The following EYS variants were observed in gnomAD, a reference collection of about 807,000 sequenced individuals.
EYS encodes the protein EGF-like photoreceptor maintenance factor.
Under a neutral mutation model 282.1 loss-of-function variants are expected in EYS, and 250 were observed. The observed-to-expected ratio is 0.89, with a 90% CI of 0.80 to 0.98. The LOEUF is 0.98. Ranked by LOEUF, EYS falls within the 50% of genes least tolerant of loss-of-function variation. The pLI, the probability that EYS is intolerant of heterozygous loss-of-function variation, is 0.00. For missense variants in EYS, 4,016 were observed against 3,709.0 expected (o/e 1.08, Z -2.15); for synonymous variants, 1,355 against 1,282.9 (o/e 1.06, Z -1.20).
intron 1 of EYS, among the ~76,000 whole-genome samples, chr6:65,640,457 G>T (rs1418820701): frequency 6.6e-6 from 1 of 151,824 alleles, no homozygotes; most frequent in Non-Finnish European, 1.5e-5. Context: ...TAATACATAG[G>T]CTATCCGTGA....
chr6:65,052,686 C>G (rs1467279721), intron 13 of EYS, among the ~76,000 whole-genome samples: 2 of 151,540 alleles, frequency 1.3e-5, no homozygotes, highest in Admixed American at 1.3e-4. Context: ...CTCATTTTTA[C>G]ATATTAAAAT....
intron 31 of EYS, among the ~76,000 whole-genome samples, chr6:64,105,985 C>T (rs747785892): frequency 4.6e-5 from 7 of 152,002 alleles, no homozygotes; most frequent in Admixed American, 6.6e-5. Context: ...ACAGTTGGGT[C>T]TTGTTTTTGA....
intron 5 of EYS, among the ~76,000 whole-genome samples, chr6:65,421,962 A>T (rs1389381233): frequency 6.6e-6 from 1 of 151,980 alleles, no homozygotes; most frequent in African/African-American, 2.4e-5. Flanking sequence ...TAACAATAAA[A>T]AAGTTTGAAA....
At chr6:64,846,766 T>C (rs998151901) in intron 19 of EYS, among the ~76,000 whole-genome samples, 16 of 152,118 alleles carry the variant, frequency 1.1e-4, no homozygotes, top group African/African-American at 3.9e-4. Context: ...GGTAATGCAG[T>C]GAATTTAGGG....
chr6:65,099,620 T>TTTCC (rs1774837164), intron 12 of EYS, among the ~76,000 whole-genome samples: 1 of 150,694 alleles, frequency 6.6e-6, no homozygotes, highest in South Asian at 2.1e-4. Context: ...ATTCAGCTAA[T>TTTCC]ATAACTGATG....
At chr6:65,192,972 T>C (rs1765678175) in intron 12 of EYS, among the ~76,000 whole-genome samples, 1 of 151,862 alleles carries the variant, frequency 6.6e-6, no homozygotes, top group Admixed American at 6.6e-5. Flanking sequence ...TTGTTAACTA[T>C]AGTCACCCCA....
chr6:64,935,687 G>T lies in EYS; in HGVS notation c.2381+10106C>A, dbSNP rs181630375. Among the ~76,000 whole-genome samples the T allele has an allele frequency of 1.6e-3, 249 of 151,658 alleles. 1 individual carries two copies. Among genetic ancestry groups the T allele is most frequent in the Admixed American group, 4.0e-3 (61 of 15,218 alleles). On this transcript the variant is annotated intron_variant, in intron 15 of 42. Transcript: ENST00000503581. ...CAAAGAGAATACTAAACAATTACAC[G>T]CTAACCAATTATAAAGGCTAAATGA...
chr6:65,666,070 CTT>C (rs554729212), intron 1 of EYS, among the ~76,000 whole-genome samples: 17 of 142,982 alleles, frequency 1.2e-4, no homozygotes, highest in African/African-American at 2.3e-4. Context: ...CAATTCAAAT[CTT>C]TTTTTTTTTT....
At position 64,649,014 on chromosome 6, in the gene EYS, A is replaced by G. The variant is rs1293707043; in HGVS notation, c.3444-22769T>C. ...TGTAGGCACTTGTGTGTGTATGTGT[A>G]TACTTTGCACTACCTTATATATACA... is the stretch of plus-strand genomic sequence containing the variant. On this transcript the variant is annotated intron_variant, in intron 22 of 42. Coordinates refer to ENST00000503581, the MANE Select transcript of EYS (RefSeq NM_001142800.2). Among the ~76,000 whole-genome samples the G allele has an allele frequency of 2.0e-5, 3 of 152,180 alleles. No individual in the cohort carries two copies. The South Asian group carries it at 6.2e-4, about 31-fold the overall frequency.
intron 31 of EYS, among the ~76,000 whole-genome samples, chr6:64,158,652 A>G (rs1013041825): frequency 6.6e-6 from 1 of 152,220 alleles, no homozygotes; most frequent in African/African-American, 2.4e-5. Flanking sequence ...TTACCTGAAC[A>G]ATCGTTGGGT....
chr6:64,093,134 C>T (rs1353610325), intron 31 of EYS, among the ~76,000 whole-genome samples: 4 of 151,922 alleles, frequency 2.6e-5, no homozygotes, highest in Non-Finnish European at 5.9e-5. Flanking sequence ...GGTACCAGTA[C>T]CATGCTGTTT....
chr6:64,706,718 A>T (rs1454303147), intron 22 of EYS, among the ~76,000 whole-genome samples: 1 of 152,228 alleles, frequency 6.6e-6, no homozygotes, highest in Non-Finnish European at 1.5e-5. Flanking sequence ...AATAACATTC[A>T]TTATCACTAA....
intron 8 of EYS, among the ~76,000 whole-genome samples, chr6:65,369,436 C>T (rs757078454): frequency 1.3e-5 from 2 of 150,298 alleles, no homozygotes; most frequent in Non-Finnish European, 3.0e-5. Context: ...GTGCATCTAA[C>T]TGTCAGACGC....
intron 14 of EYS, among the ~76,000 whole-genome samples, chr6:64,992,218 G>C (rs767835105): frequency 6.6e-6 from 1 of 151,768 alleles, no homozygotes; most frequent in Non-Finnish European, 1.5e-5. Context: ...AAGGTATATA[G>C]TCTTTAATGT....
rs181191485 is a variant in EYS at position 64,121,545 on chromosome 6, T to C, written c.6425-39543A>G. Reference sequence around the variant, plus strand: ...ATCTTGTGGCCTAATGGTAAAGAAATTAAATTACCCTTAATATAGTTAATC... The same window carrying C: ...ATCTTGTGGCCTAATGGTAAAGAAACTAAATTACCCTTAATATAGTTAATC... On this transcript the variant is annotated intron_variant, in intron 31 of 42. Transcript: ENST00000503581. 5.2e-3 allele frequency among the ~76,000 whole-genome samples: 791 copies of C among 152,318 alleles called. 3 individuals carry two copies. The highest frequency in any genetic ancestry group is 0.014 in the Middle Eastern group (4 of 294).
intron 14 of EYS, among the ~76,000 whole-genome samples, chr6:64,989,141 T>C (rs929354972): frequency 4.6e-5 from 7 of 151,172 alleles, no homozygotes; most frequent in Non-Finnish European, 8.9e-5. Context: ...GCTATGAATA[T>C]GTTTATTATT....
chr6:64,738,557 AT>A (rs1301912097), intron 22 of EYS, among the ~76,000 whole-genome samples: 1 of 152,180 alleles, frequency 6.6e-6, no homozygotes, highest in East Asian at 1.9e-4. Context: ...GTGTTGTGGA[AT>A]TTTGGTGATG....
intron 29 of EYS, among the ~76,000 whole-genome samples, chr6:64,362,941 T>C (rs979017249): frequency 6.6e-6 from 1 of 151,630 alleles, no homozygotes; most frequent in Non-Finnish European, 1.5e-5. Flanking sequence ...TTTCTTTCTC[T>C]TTCCTTTCTT....
chr6:64,512,310 G>C (rs1234045531), intron 26 of EYS, among the ~76,000 whole-genome samples: 1 of 151,708 alleles, frequency 6.6e-6, no homozygotes, highest in Non-Finnish European at 1.5e-5. Context: ...AAATCATGTT[G>C]AAAGAGACAG....
Sources: gnomAD v4.1 joint callset for allele counts (sites outside exome capture counted in the v4.1 genomes callset) on GRCh38, gnomAD v4.1.1 for gene constraint, MANE v1.5 for transcripts, NCBI Gene and HGNC (gene_info 2026-07-23, HGNC 2026-07-21) for gene names.